UBE2E2: variants seen among roughly 807,000 people sequenced by gnomAD.
UBE2E2 encodes the protein ubiquitin-conjugating enzyme E2 E2.
Under a neutral mutation model 24.7 loss-of-function variants are expected in UBE2E2, and 6 were observed. The observed-to-expected ratio is 0.24, with a 90% CI of 0.13 to 0.48. The LOEUF (loss-of-function observed/expected upper bound fraction) is 0.48. Among genes scored for constraint, UBE2E2 ranks in the 20% least tolerant of loss-of-function variants. The pLI is 0.99. For missense variants in UBE2E2, 169 were observed against 245.0 expected (o/e 0.69, Z 2.07); for synonymous variants, 104 against 83.6 (o/e 1.24, Z -1.33).
intron 3 of UBE2E2, among the ~76,000 whole-genome samples, chr3:23,442,103 G>A (rs1334314122): frequency 6.6e-6 from 1 of 152,054 alleles, no homozygotes; most frequent in Non-Finnish European, 1.5e-5. Context: ...TAAAATCTGG[G>A]AGTAAAAGAA....
At chr3:23,471,487 G>T (rs1037679823) in intron 3 of UBE2E2, among the ~76,000 whole-genome samples, 1 of 152,220 alleles carries the variant, frequency 6.6e-6, no homozygotes, top group African/African-American at 2.4e-5. Flanking sequence ...GTCCTGAGAA[G>T]AGGAAAGCCC....
chr3:23,281,174 C>G (rs1341045152), intron 3 of UBE2E2, among the ~76,000 whole-genome samples: 1 of 151,946 alleles, frequency 6.6e-6, no homozygotes, highest in Non-Finnish European at 1.5e-5. Flanking sequence ...TTTAGGGAGA[C>G]AAATATTCAG....
intron 3 of UBE2E2, among the ~76,000 whole-genome samples, chr3:23,344,069 T>G (rs1338606650): frequency 1.3e-5 from 2 of 152,196 alleles, no homozygotes; most frequent in East Asian, 3.8e-4. Context: ...AATTTGCAGA[T>G]GTACTGTGCT....
intron 3 of UBE2E2, among the ~76,000 whole-genome samples, chr3:23,481,793 A>G (rs1170849656): frequency 6.6e-6 from 1 of 152,218 alleles, no homozygotes; most frequent in African/African-American, 2.4e-5. Context: ...AAACCACTAA[A>G]TCCTTCAAAG....
chr3:23,519,138 T>C (rs1169218773), intron 4 of UBE2E2, among the ~76,000 whole-genome samples: 1 of 152,160 alleles, frequency 6.6e-6, no homozygotes, highest in African/African-American at 2.4e-5. Context: ...AGTAAACCAA[T>C]ATTTGTATGT....
At chr3:23,548,633 G>C (rs1006258069) in intron 5 of UBE2E2, among the ~76,000 whole-genome samples, 15 of 152,056 alleles carry the variant, frequency 9.9e-5, no homozygotes, top group Admixed American at 9.2e-4. Context: ...TGCATTTCCA[G>C]CCTCCTGATT....
intron 3 of UBE2E2, among the ~76,000 whole-genome samples, chr3:23,287,394 T>C (rs1435893174): frequency 6.6e-6 from 1 of 152,194 alleles, no homozygotes; most frequent in Non-Finnish European, 1.5e-5. Context: ...CATTTTTTGG[T>C]GTGCCTTTAT....
At chr3:23,569,339 G>T (rs1400883381) in intron 5 of UBE2E2, among the ~76,000 whole-genome samples, 3 of 152,276 alleles carry the variant, frequency 2.0e-5, no homozygotes, top group Non-Finnish European at 4.4e-5. Context: ...TGCCAGCGGG[G>T]AGTAACTGCT....
At chr3:23,503,718 G>A (rs959115405) in intron 4 of UBE2E2, among the ~76,000 whole-genome samples, 11 of 151,796 alleles carry the variant, frequency 7.2e-5, no homozygotes, top group Non-Finnish European at 1.6e-4. Context: ...TCTGGGCATG[G>A]TGACTCACAC....
At chr3:23,520,606 A>G (rs1694841617) in intron 4 of UBE2E2, among the ~76,000 whole-genome samples, 1 of 152,224 alleles carries the variant, frequency 6.6e-6, no homozygotes, top group African/African-American at 2.4e-5. Flanking sequence ...TAATAGCTGT[A>G]AATTTACTTA....
intron 3 of UBE2E2, among the ~76,000 whole-genome samples, chr3:23,393,041 T>C (rs192596631): frequency 1.3e-5 from 2 of 152,218 alleles, no homozygotes; most frequent in East Asian, 3.9e-4. Context: ...AGGAAGATTA[T>C]CATAAAAGCA....
intron 3 of UBE2E2, among the ~76,000 whole-genome samples, chr3:23,244,147 G>T (rs896304974): frequency 1.0e-4 from 14 of 134,122 alleles, no homozygotes; most frequent in Non-Finnish European, 1.9e-4. Context: ...AAAAAAAAAA[G>T]AATCAACTAT....
intron 5 of UBE2E2, among the ~76,000 whole-genome samples, chr3:23,586,085 A>G (rs1243085639): frequency 1.3e-5 from 2 of 152,212 alleles, no homozygotes; most frequent in Non-Finnish European, 2.9e-5. Flanking sequence ...CTAGCTCTTC[A>G]GGATTATTCC....
chr3:23,483,978 T>G (rs1016362983), intron 3 of UBE2E2, among the ~76,000 whole-genome samples: 1 of 152,202 alleles, frequency 6.6e-6, no homozygotes, highest in Admixed American at 6.5e-5. Context: ...GCGAACTTAA[T>G]GACCCCAAAA....
chr3:23,557,012 CATATCACCA>C (rs1695806754), intron 5 of UBE2E2, among the ~76,000 whole-genome samples: 1 of 152,170 alleles, frequency 6.6e-6, no homozygotes, highest in African/African-American at 2.4e-5. Context: ...TCATCACAGA[CATATCACCA>C]AACTCCTAAA....
At chr3:23,291,071 A>AAG (rs1698752336) in intron 3 of UBE2E2, among the ~76,000 whole-genome samples, 1 of 144,316 alleles carries the variant, frequency 6.9e-6, no homozygotes, top group South Asian at 2.2e-4. Flanking sequence ...CCTGTCTTTA[A>AAG]AAAAAAAAAA....
intron 4 of UBE2E2, 54 bp from the exon 5 acceptor site, chr3:23,532,500 A>G: frequency 7.0e-7 from 1 of 1,435,434 alleles, no homozygotes; most frequent in South Asian, 1.8e-5. Flanking sequence ...TTGTCTATAG[A>G]TACTGTTAAT....
Position 23,398,313 on chromosome 3 carries a change from AAAAAAAAAAAC to A in UBE2E2, c.228-101285_228-101275del, listed in dbSNP as rs1323894028. On this transcript the variant is annotated intron_variant, in intron 3 of 5. Coordinates refer to ENST00000396703, the MANE Select transcript of UBE2E2 (RefSeq NM_152653.4). ...GGACAGCAGAGCAAGACTCCATCTC[AAAAAAAAAAAC>A]AAAAAAAAACTTGGAAAGTGGGATT... Among the ~76,000 whole-genome samples, 4 of 24,830 alleles carry A rather than the reference AAAAAAAAAAAC, an allele frequency of 1.6e-4. No homozygotes were observed. The African/African-American group carries it at 3.0e-3, about 18-fold the overall frequency. 16.3% of individuals were successfully genotyped at this position (24,830 alleles called of 152,430 possible).
At chr3:23,490,500 A>G (rs1699473097) in intron 3 of UBE2E2, among the ~76,000 whole-genome samples, 1 of 152,168 alleles carries the variant, frequency 6.6e-6, no homozygotes, top group South Asian at 2.1e-4. Context: ...TTATACAGTT[A>G]TGTCTCTTAA....
Sources: gnomAD v4.1 joint callset for allele counts (sites outside exome capture counted in the v4.1 genomes callset) on GRCh38, gnomAD v4.1.1 for gene constraint, MANE v1.5 for transcripts, NCBI Gene and HGNC (gene_info 2026-07-23, HGNC 2026-07-21) for gene names.